Variants in ADGRV1 observed in about 807,000 individuals in gnomAD.
The protein encoded by ADGRV1 is adhesion G protein-coupled receptor V1.
Under a neutral mutation model 596.2 loss-of-function variants are expected in ADGRV1, and 359 were observed. That is an observed-to-expected ratio of 0.60 (90% CI 0.55 to 0.66). The LOEUF (loss-of-function observed/expected upper bound fraction) is 0.66, where lower values mean the gene tolerates loss of function less well. ADGRV1 is among the 30% of genes least tolerant of loss of function. The probability of loss-of-function intolerance (pLI) is 0.00; values close to 1 mark genes in which losing one functional copy is unlikely to be tolerated. For missense variants in ADGRV1, 7,274 were observed against 7,575.6 expected (o/e 0.96, Z 1.48); for synonymous variants, 2,681 against 2,679.2 (o/e 1.00, Z -0.02).
At chr5:90,682,457 A>G (rs190913983) in intron 27 of ADGRV1, among the ~76,000 whole-genome samples, 40 of 152,320 alleles carry the variant, frequency 2.6e-4, no homozygotes, top group Non-Finnish European at 5.4e-4. Flanking sequence ...GGCAATAACA[A>G]TAACTCTATA....
intron 7 of ADGRV1, 130 bp from the exon 8 acceptor site, chr5:90,628,432 T>C: frequency 1.3e-6 from 1 of 758,914 alleles, no homozygotes; most frequent in East Asian, 2.7e-5. Context: ...AAATAACAAA[T>C]CAGTTATTTT....
At chr5:90,697,260 G>A (rs1747313777) in intron 34 of ADGRV1, 114 bp downstream of exon 34, 2 of 964,130 alleles carry the variant, frequency 2.1e-6, no homozygotes, top group Non-Finnish European at 3.1e-6. Context: ...TGAACTGTGT[G>A]TGTGTTAATC....
At chr5:90,851,102 GGT>G (rs371933419) in intron 79 of ADGRV1, among the ~76,000 whole-genome samples, 2 of 50,644 alleles carry the variant, frequency 3.9e-5, no homozygotes, top group African/African-American at 1.1e-4. Flanking sequence ...AGCTAGGTAG[GGT>G]GTGTGTGTGT....
chr5:90,890,402 C>T (rs1339893591), intron 83 of ADGRV1, among the ~76,000 whole-genome samples: 1 of 152,072 alleles, frequency 6.6e-6, no homozygotes, highest in African/African-American at 2.4e-5. Flanking sequence ...TACAGCACAG[C>T]GGTTAACAAC....
intron 1 of ADGRV1, among the ~76,000 whole-genome samples, chr5:90,598,064 C>T (rs967421995): frequency 6.6e-6 from 1 of 152,184 alleles, no homozygotes; most frequent in South Asian, 2.1e-4. Context: ...TAACTATTCA[C>T]GCGGTAGTGT....
intron 86 of ADGRV1, among the ~76,000 whole-genome samples, chr5:91,101,789 G>GCA (rs144940667): frequency 1.4e-4 from 21 of 150,722 alleles, no homozygotes; most frequent in Admixed American, 6.6e-4. Context: ...ACGTGCGCAT[G>GCA]CACACACACA....
At position 90,815,536 on chromosome 5, in the gene ADGRV1, T is replaced by C. The variant is rs1455075347; in HGVS notation, c.16079-83T>C. 11 of 729,888 alleles carry C rather than the reference T, an allele frequency of 1.5e-5. No individual in the cohort carries two copies. The South Asian group carries it at 2.1e-4, about 14-fold the overall frequency. 45.2% of individuals were successfully genotyped at this position (729,888 alleles called of 1,614,324 possible). On this transcript the variant is annotated intron_variant, in intron 74 of 89. Transcript: ENST00000405460. ...CTGTGAATTTCTCACTTTTAAACCA[T>C]CTGAGCTGGCAAGATTAGTGGAGCA... is the stretch of plus-strand genomic sequence containing the variant.
At chr5:90,891,012 A>C (rs1238302634) in intron 83 of ADGRV1, among the ~76,000 whole-genome samples, 2 of 151,986 alleles carry the variant, frequency 1.3e-5, no homozygotes, top group African/African-American at 4.8e-5. Flanking sequence ...ATTAAAAGGA[A>C]ATTCACTTTT....
At chr5:90,603,328 A>G (rs1179833791) in intron 1 of ADGRV1, among the ~76,000 whole-genome samples, 7 of 152,184 alleles carry the variant, frequency 4.6e-5, no homozygotes, top group African/African-American at 1.7e-4. Context: ...CAATGTTTCC[A>G]TCTACTTCAA....
At chr5:90,822,881 C>G (rs2150298211) in intron 75 of ADGRV1, among the ~76,000 whole-genome samples, 1 of 152,218 alleles carries the variant, frequency 6.6e-6, no homozygotes, top group East Asian at 1.9e-4. Context: ...ATTTTATTCT[C>G]TTTGAAGCAA....
intron 50 of ADGRV1, among the ~76,000 whole-genome samples, chr5:90,742,197 T>C (rs1401033485): frequency 2.0e-5 from 3 of 152,228 alleles, no homozygotes; most frequent in Non-Finnish European, 4.4e-5. Flanking sequence ...TAATCATACA[T>C]ATAAGTTTCT....
chr5:90,992,439 T>TC, intron 85 of ADGRV1, among the ~76,000 whole-genome samples: 1 of 152,344 alleles, frequency 6.6e-6, no homozygotes, highest in Non-Finnish European at 1.5e-5. Context: ...GAGTTATATC[T>TC]CTCTTGGCTT....
Position 90,755,082 on chromosome 5 carries a change from TC to T in ADGRV1, c.11478del (p.Asp3827IlefsTer16). 1 of 1,610,550 alleles carries T rather than the reference TC, an allele frequency of 6.2e-7. No individual in the cohort carries two copies. Among genetic ancestry groups the T allele is most frequent in the Non-Finnish European group, 8.5e-7 (1 of 1,176,924 alleles). On this transcript the variant is annotated frameshift_variant, in exon 55 of 90. Coordinates refer to ENST00000405460, the MANE Select transcript of ADGRV1 (RefSeq NM_032119.4). LOFTEE classifies it high-confidence loss of function. ...LRAQPNFLLH[V>X]DNQATENEDY... ...GCTCAACCCAATTTCTTACTGCATG[TC>T]GATAATCAAGCTACTGAGAATGAAG...
chr5:91,137,564 A>G (rs909503785), intron 87 of ADGRV1, among the ~76,000 whole-genome samples: 5 of 152,240 alleles, frequency 3.3e-5, no homozygotes, highest in Non-Finnish European at 7.3e-5. Context: ...TAGACACTCA[A>G]AAACTTTTAA....
At chr5:90,657,136 G>A (rs1373607832) in intron 20 of ADGRV1, among the ~76,000 whole-genome samples, 115 of 151,288 alleles carry the variant, frequency 7.6e-4, no homozygotes, top group Non-Finnish European at 2.1e-4. Flanking sequence ...ATGAGGCTAG[G>A]TGCAGTGGCC....
chr5:91,118,647 T>C (rs1582112436), intron 87 of ADGRV1, among the ~76,000 whole-genome samples: 1 of 152,060 alleles, frequency 6.6e-6, no homozygotes, highest in East Asian at 1.9e-4. Flanking sequence ...GAGTGTGATC[T>C]TCTTGAGATC....
At chr5:90,631,356 A>G (rs916290293) in intron 9 of ADGRV1, among the ~76,000 whole-genome samples, 2 of 152,190 alleles carry the variant, frequency 1.3e-5, no homozygotes, top group Admixed American at 6.5e-5. Flanking sequence ...CTCCAGGCAT[A>G]CTTGTGCTGT....
intron 87 of ADGRV1, among the ~76,000 whole-genome samples, chr5:91,112,691 A>T (rs111377785): frequency 6.1e-4 from 92 of 151,656 alleles, no homozygotes; most frequent in Middle Eastern, 6.8e-3. Flanking sequence ...TACATTTTTT[A>T]AAAAAAAACT....
At chr5:91,007,813 C>G (rs1417427809) in intron 85 of ADGRV1, among the ~76,000 whole-genome samples, 2 of 152,178 alleles carry the variant, frequency 1.3e-5, no homozygotes, top group African/African-American at 2.4e-5. Context: ...CCCATTCGTT[C>G]TTTGCCACTT....
Sources: allele counts gnomAD v4.1 joint callset (sites outside exome capture counted in the v4.1 genomes callset), GRCh38; gene constraint gnomAD v4.1.1; transcripts MANE v1.5; gene names NCBI Gene and HGNC (gene_info 2026-07-23, HGNC 2026-07-21).